The following LINGO1 variants were observed in gnomAD, a reference collection of about 807,000 sequenced individuals.
LINGO1 encodes leucine rich repeat and Ig domain containing 1.
LINGO1 carries 11 observed loss-of-function variants against 37.3 expected under a neutral mutation model. That is an observed-to-expected ratio of 0.29 (90% CI 0.19 to 0.49). LINGO1 has a LOEUF of 0.49. Ranked by LOEUF, LINGO1 falls within the 20% of genes least tolerant of loss-of-function variation. The pLI, the probability that LINGO1 is intolerant of heterozygous loss-of-function variation, is 0.99. For synonymous variants in LINGO1, 387 were observed against 403.0 expected (o/e 0.96, Z 0.48); for missense variants, 585 against 878.2 (o/e 0.67, Z 4.22).
intron 1 of LINGO1, among the ~76,000 whole-genome samples, chr15:77,693,512 G>A (rs1020385274): frequency 2.6e-5 from 4 of 152,218 alleles, no homozygotes; most frequent in Non-Finnish European, 4.4e-5. Flanking sequence ...GGCCCTGAGG[G>A]CCAGGGTAAG....
chr15:77,702,024 G>A (rs1052376083), intron 2 of LINGO1, among the ~76,000 whole-genome samples: 53 of 152,188 alleles, frequency 3.5e-4, no homozygotes, highest in African/African-American at 1.3e-3. Context: ...CTAGTAGAGG[G>A]TGTCAGGGAG....
chr15:77,776,509 G>GA (rs2076649189), intron 1 of LINGO1, among the ~76,000 whole-genome samples: 1 of 85,020 alleles, frequency 1.2e-5, no homozygotes, highest in African/African-American at 4.7e-5. Context: ...AGGAAGGCAG[G>GA]AAGGCAGGAA....
chr15:77,769,275 G>T (rs2076560246), intron 1 of LINGO1, among the ~76,000 whole-genome samples: 1 of 152,220 alleles, frequency 6.6e-6, no homozygotes, highest in Non-Finnish European at 1.5e-5. Context: ...AATTTGCCAG[G>T]AGCTCAAAGA....
At chr15:77,718,053 T>C (rs541660770) in intron 2 of LINGO1, among the ~76,000 whole-genome samples, 1 of 150,904 alleles carries the variant, frequency 6.6e-6, no homozygotes, top group South Asian at 2.1e-4. Context: ...CCCAAGAGGA[T>C]GCTCATGAGC....
chr15:77,655,266 G>A (rs2074842807), intron 3 of LINGO1, among the ~76,000 whole-genome samples: 1 of 152,228 alleles, frequency 6.6e-6, no homozygotes, highest in South Asian at 2.1e-4. Context: ...AAGAGCTAGA[G>A]ATTCCACGGG....
chr15:77,635,028 G>T (rs2074368755), upstream of LINGO1, among the ~76,000 whole-genome samples: 2 of 152,190 alleles, frequency 1.3e-5, no homozygotes, highest in Non-Finnish European at 2.9e-5. Flanking sequence ...GCGGAGAAAT[G>T]GGGGAGAGCC....
At chr15:77,638,381 T>A (rs990823608), upstream of LINGO1, among the ~76,000 whole-genome samples, 2 of 151,966 alleles carry the variant, frequency 1.3e-5, no homozygotes, top group African/African-American at 4.8e-5. Flanking sequence ...TGCACTCCTT[T>A]AAAAAAAATT....
chr15:77,706,583 A>G (rs2075855693), intron 2 of LINGO1, among the ~76,000 whole-genome samples: 1 of 151,870 alleles, frequency 6.6e-6, no homozygotes, highest in Non-Finnish European at 1.5e-5. Flanking sequence ...TGAACACACC[A>G]AGGTTCTCCA....
rs72744582 is a variant in LINGO1 at position 77,620,482 on chromosome 15, C to T, written c.7-4582G>A. Among the ~76,000 whole-genome samples the T allele has an allele frequency of 1.6e-3, 250 of 152,322 alleles. 1 individual carries two copies. Among genetic ancestry groups the T allele is most frequent in the African/African-American group, 5.3e-3 (222 of 41,570 alleles). Reference sequence around the variant, plus strand: ...ACCGGCCACACCCTCCTTCATGTCCCGGGGCAGATACGGCCTGGTTCAGGC... The same window carrying T: ...ACCGGCCACACCCTCCTTCATGTCCTGGGGCAGATACGGCCTGGTTCAGGC... On this transcript the variant is annotated intron_variant, in intron 1 of 1. Transcript: ENST00000355300.
intron 3 of LINGO1, among the ~76,000 whole-genome samples, chr15:77,658,513 T>G (rs1161451022): frequency 6.6e-6 from 1 of 152,164 alleles, no homozygotes; most frequent in Non-Finnish European, 1.5e-5. Context: ...CTCCAGCAGC[T>G]CAAGGCCAGG....
rs531162735 is a variant in LINGO1 at position 77,757,305 on chromosome 15, G to A, written c.-256-22252C>T. On this transcript the variant is annotated intron_variant, in intron 1 of 3. Transcript: ENST00000561686. Reference sequence around the variant, plus strand: ...TGGTCTGACAGGACAGAGAATCTGAGCCCCCAGAACAAGAGTGGCCAAGGC... The same window carrying A: ...TGGTCTGACAGGACAGAGAATCTGAACCCCCAGAACAAGAGTGGCCAAGGC... Among the ~76,000 whole-genome samples the A allele has an allele frequency of 2.6e-4, 40 of 152,334 alleles. 2 individuals carry two copies. The South Asian group carries it at 7.9e-3, about 30-fold the overall frequency.
At chr15:77,643,058 C>G (rs1483342559) in intron 3 of LINGO1, among the ~76,000 whole-genome samples, 1 of 152,248 alleles carries the variant, frequency 6.6e-6, no homozygotes, top group Non-Finnish European at 1.5e-5. Context: ...TCTCTGACAG[C>G]CACTGTGGTG....
chr15:77,791,993 T>C (rs1330195902), upstream of LINGO1, among the ~76,000 whole-genome samples: 1 of 152,038 alleles, frequency 6.6e-6, no homozygotes, highest in Non-Finnish European at 1.5e-5. Flanking sequence ...CTACATCATC[T>C]TGTCCAGGCT....
upstream of LINGO1, among the ~76,000 whole-genome samples, chr15:77,791,982 T>C (rs552619552): frequency 9.2e-5 from 14 of 152,130 alleles, no homozygotes; most frequent in South Asian, 2.7e-3. Context: ...AGATTTCTTC[T>C]CTACATCATC....
At chr15:77,819,695 C>T (rs2077082223) in intron 1 of LINGO1, among the ~76,000 whole-genome samples, 1 of 151,154 alleles carries the variant, frequency 6.6e-6, no homozygotes, top group Admixed American at 6.6e-5. Flanking sequence ...GGCCCTGGGC[C>T]CCTCCGGGAC....
At chr15:77,757,479 A>C (rs945121189) in intron 1 of LINGO1, among the ~76,000 whole-genome samples, 11 of 152,134 alleles carry the variant, frequency 7.2e-5, no homozygotes, top group Non-Finnish European at 1.5e-4. Context: ...ATTCCTTTCC[A>C]TTTTCCTGCC....
At chr15:77,681,825 C>T (rs2075418835) in intron 2 of LINGO1, among the ~76,000 whole-genome samples, 1 of 152,030 alleles carries the variant, frequency 6.6e-6, no homozygotes, top group Non-Finnish European at 1.5e-5. Context: ...GGGTGAGCAC[C>T]ATTGCCACTG....
intron 1 of LINGO1, among the ~76,000 whole-genome samples, chr15:77,780,789 T>G (rs972450136): frequency 6.9e-6 from 1 of 144,644 alleles, no homozygotes; most frequent in African/African-American, 2.5e-5. Context: ...ACCCCCACCA[T>G]GTGAGGACAC....
chr15:77,638,111 G>A (rs563986777), upstream of LINGO1, among the ~76,000 whole-genome samples: 24 of 152,374 alleles, frequency 1.6e-4, no homozygotes, highest in East Asian at 4.6e-3. Context: ...AAGGCTCTTG[G>A]AGAACTCAAG....
Sources: gnomAD v4.1 joint callset for allele counts (sites outside exome capture counted in the v4.1 genomes callset) on GRCh38, gnomAD v4.1.1 for gene constraint, MANE v1.5 for transcripts, NCBI Gene and HGNC (gene_info 2026-07-23, HGNC 2026-07-21) for gene names.